Variants in LTBP1 observed in about 807,000 individuals in gnomAD.
LTBP1 encodes latent-transforming growth factor beta-binding protein 1.
In LTBP1, 129 loss-of-function variants were observed where a neutral mutation model predicts 207.6. The observed-to-expected ratio is 0.62, with a 90% CI of 0.54 to 0.72. LTBP1 has a LOEUF of 0.72. LTBP1 is among the 30% of genes least tolerant of loss of function. The pLI, the probability that LTBP1 is intolerant of heterozygous loss-of-function variation, is 0.00. For synonymous variants in LTBP1, 963 were observed against 833.7 expected, an observed-to-expected ratio of 1.16 and a Z score of -2.67; for missense variants, 2,281 against 2,217.2, an observed-to-expected ratio of 1.03 and a Z score of -0.58.
At chr2:32,961,810 G>A (rs1158689552) in intron 2 of LTBP1, among the ~76,000 whole-genome samples, 1 of 152,098 alleles carries the variant, frequency 6.6e-6, no homozygotes, top group African/African-American at 2.4e-5. Flanking sequence ...GCCGGGCGTG[G>A]TGGTGGGCGC....
At chr2:33,117,737 A>T (rs892339265) in intron 4 of LTBP1, among the ~76,000 whole-genome samples, 1 of 152,168 alleles carries the variant, frequency 6.6e-6, no homozygotes, top group Admixed American at 6.5e-5. Context: ...CCATTATGGG[A>T]TGGATGCTGC....
At chr2:33,186,791 G>A (rs2087251251) in intron 5 of LTBP1, 65 bp from the exon 6 acceptor site, 1 of 1,263,382 alleles carries the variant, frequency 7.9e-7, no homozygotes, top group Non-Finnish European at 1.1e-6. Context: ...AGGTTTTGTT[G>A]GTTGATCATT....
chr2:33,021,840 G>A (rs981511339), intron 3 of LTBP1, among the ~76,000 whole-genome samples: 12 of 152,038 alleles, frequency 7.9e-5, no homozygotes, highest in Non-Finnish European at 1.6e-4. Flanking sequence ...AACAAAATGA[G>A]AACTCAGAGA....
intron 3 of LTBP1, among the ~76,000 whole-genome samples, chr2:33,042,632 C>T (rs1004477344): frequency 1.3e-5 from 2 of 152,302 alleles, no homozygotes; most frequent in Middle Eastern, 3.4e-3. Flanking sequence ...CCATCCTTTT[C>T]AGCCCAAAAT....
chr2:33,157,350 C>T (rs933392230), intron 5 of LTBP1, among the ~76,000 whole-genome samples: 1 of 152,182 alleles, frequency 6.6e-6, no homozygotes, highest in African/African-American at 2.4e-5. Context: ...TGGCATGTTT[C>T]TGAACAGTTG....
chr2:33,274,590 A>C (rs1441129848), intron 16 of LTBP1, among the ~76,000 whole-genome samples: 2 of 152,074 alleles, frequency 1.3e-5, no homozygotes, highest in Non-Finnish European at 2.9e-5. Flanking sequence ...ACCTAATCCA[A>C]CTCCATCCAC....
intron 2 of LTBP1, among the ~76,000 whole-genome samples, chr2:32,975,599 T>C (rs954032062): frequency 7.9e-6 from 1 of 126,794 alleles, no homozygotes; most frequent in African/African-American, 3.2e-5. Flanking sequence ...TTTTTTTTTT[T>C]TTTTTTTTTT....
At chr2:33,132,824 C>A (rs572450234) in intron 4 of LTBP1, among the ~76,000 whole-genome samples, 17 of 152,246 alleles carry the variant, frequency 1.1e-4, no homozygotes, top group African/African-American at 3.4e-4. Flanking sequence ...GGGTTCAAGT[C>A]CTAATTTTAG....
chr2:33,262,831 G>A lies in LTBP1; in HGVS notation c.2518+10G>A, dbSNP rs1278525390. ...CATCCACAGTTTCCAGGTAGCCTGT[G>A]TTGATCTGTGCTGTTTGTCAGAGTA... On this transcript the variant is annotated intron_variant, in intron 14 of 33. Coordinates refer to ENST00000404816, the MANE Select transcript of LTBP1 (RefSeq NM_206943.4). 6.3e-7 allele frequency: 1 copy of A among 1,583,210 alleles called. No individual in the cohort carries two copies. The highest frequency in any genetic ancestry group is 1.7e-5 in the Admixed American group (1 of 58,290).
Position 33,117,531 on chromosome 2 carries a change from T to C in LTBP1, c.1033+6780T>C, listed in dbSNP as rs1051328524. Among the ~76,000 whole-genome samples, 3 of 152,184 alleles carry C rather than the reference T, an allele frequency of 2.0e-5. No individual in the cohort carries two copies. In the East Asian group the frequency reaches 5.8e-4, roughly 29 times the overall value. The stretch of plus-strand genomic sequence containing the variant: ...GAGAGCAGAGTGCTTTGGCAGAGAC[T>C]TACAAGAGACATTCAAGATTTTTGC... On this transcript the variant is annotated intron_variant, in intron 4 of 33. Transcript: ENST00000404816.
chr2:33,207,436 G>A (rs1231620760), intron 7 of LTBP1, among the ~76,000 whole-genome samples: 2 of 152,102 alleles, frequency 1.3e-5, no homozygotes, highest in Non-Finnish European at 2.9e-5. Flanking sequence ...GAGGATTATA[G>A]TTGTATCAGA....
intron 24 of LTBP1, among the ~76,000 whole-genome samples, chr2:33,326,061 T>C (rs902016278): frequency 6.8e-6 from 1 of 147,130 alleles, no homozygotes; most frequent in Non-Finnish European, 1.5e-5. Context: ...TTATAGTGTT[T>C]ATAGTTTTTG....
intron 2 of LTBP1, among the ~76,000 whole-genome samples, chr2:32,995,209 A>C (rs1685066149): frequency 6.6e-6 from 1 of 151,714 alleles, no homozygotes; most frequent in South Asian, 2.1e-4. Flanking sequence ...TCTTCAGATG[A>C]CTGTTACTCA....
At chr2:33,280,607 A>G (rs61163843) in intron 19 of LTBP1, among the ~76,000 whole-genome samples, 343 of 152,288 alleles carry the variant, frequency 2.3e-3, no homozygotes, top group African/African-American at 7.6e-3. Flanking sequence ...GATTCTAATT[A>G]CCCGTGCTGT....
At chr2:33,308,121 C>T (rs1459150832) in intron 22 of LTBP1, among the ~76,000 whole-genome samples, 1 of 152,144 alleles carries the variant, frequency 6.6e-6, no homozygotes, top group Non-Finnish European at 1.5e-5. Context: ...TTCTTCGTTG[C>T]TAATAACTTA....
intron 3 of LTBP1, among the ~76,000 whole-genome samples, chr2:33,037,626 T>A (rs940843629): frequency 3.9e-5 from 6 of 152,238 alleles, no homozygotes; most frequent in African/African-American, 1.4e-4. Flanking sequence ...ATTTTTCCTC[T>A]GATTCTGGCT....
At chr2:32,996,265 G>C (rs1056304553) in intron 2 of LTBP1, among the ~76,000 whole-genome samples, 11 of 152,072 alleles carry the variant, frequency 7.2e-5, no homozygotes, top group African/African-American at 2.7e-4. Flanking sequence ...CTTCCTAGAC[G>C]GCCATCTTTT....
intron 18 of LTBP1, among the ~76,000 whole-genome samples, chr2:33,278,158 A>G (rs533886374): frequency 3.5e-4 from 54 of 152,162 alleles, no homozygotes; most frequent in African/African-American, 1.3e-3. Flanking sequence ...AGTTCTACAC[A>G]CGGGTCAAGA....
At chr2:33,219,885 C>G (rs1371023086) in intron 8 of LTBP1, among the ~76,000 whole-genome samples, 5 of 151,928 alleles carry the variant, frequency 3.3e-5, no homozygotes, top group African/African-American at 1.2e-4. Context: ...CTAACTTCCA[C>G]TCTTGACCTT....
Sources: gnomAD v4.1 joint callset for allele counts (sites outside exome capture counted in the v4.1 genomes callset) on GRCh38, gnomAD v4.1.1 for gene constraint, MANE v1.5 for transcripts, NCBI Gene and HGNC (gene_info 2026-07-23, HGNC 2026-07-21) for gene names.